The following TTC27 variants were observed in gnomAD, a reference collection of about 807,000 sequenced individuals.
The protein encoded by TTC27 is tetratricopeptide repeat domain 27.
Under a neutral mutation model 115.9 loss-of-function variants are expected in TTC27, and 79 were observed. That is an observed-to-expected ratio of 0.68 (90% CI 0.57 to 0.82). The LOEUF (loss-of-function observed/expected upper bound fraction) is 0.82. TTC27 is among the 40% of genes least tolerant of loss of function. The pLI is 0.00. For synonymous variants in TTC27, 401 were observed against 356.0 expected (o/e 1.13, Z -1.42); for missense variants, 1,054 against 993.1 (o/e 1.06, Z -0.82).
chr2:32,757,474 A>G (rs1219866024), intron 12 of TTC27, among the ~76,000 whole-genome samples: 1 of 151,964 alleles, frequency 6.6e-6, no homozygotes, highest in Non-Finnish European at 1.5e-5. Flanking sequence ...TTTTTATTAC[A>G]CTTCACTTTA....
chr2:32,680,435 C>A (rs1408224623), intron 9 of TTC27, among the ~76,000 whole-genome samples: 1 of 151,962 alleles, frequency 6.6e-6, no homozygotes, highest in Non-Finnish European at 1.5e-5. Flanking sequence ...AAGAGAGAAC[C>A]AGCTATTTCA....
rs757820448 is a variant in TTC27 at position 32,630,521 on chromosome 2, A to G, written c.89-2A>G. 1.2e-5 allele frequency: 19 copies of G among 1,598,364 alleles called. No homozygotes were observed. Among genetic ancestry groups the G allele is most frequent in the Non-Finnish European group, 1.6e-5 (19 of 1,173,942 alleles). ...TTACCGCACTAATTTTTTATATTAC[A>G]GAGAGTGGATCTTTCCTACAATTGC... is the stretch of plus-strand genomic sequence containing the variant. On this transcript the variant is annotated splice_acceptor_variant, in intron 1 of 19. Coordinates refer to ENST00000317907, the MANE Select transcript of TTC27 (RefSeq NM_017735.5). LOFTEE classifies it high-confidence loss of function.
chr2:32,698,392 G>C (rs116329103), intron 9 of TTC27, among the ~76,000 whole-genome samples: 1 of 150,474 alleles, frequency 6.6e-6, no homozygotes, highest in Non-Finnish European at 1.5e-5. Flanking sequence ...TCAGCCTCCC[G>C]AAGTGCTGGG....
chr2:32,664,958 T>C (rs1412167526), intron 6 of TTC27, among the ~76,000 whole-genome samples: 1 of 151,702 alleles, frequency 6.6e-6, no homozygotes, highest in East Asian at 1.9e-4. Context: ...TGAGCCTCCC[T>C]AGTAGCTAGG....
At chr2:32,754,673 C>T (rs1273507096) in intron 12 of TTC27, among the ~76,000 whole-genome samples, 6 of 151,380 alleles carry the variant, frequency 4.0e-5, no homozygotes, top group Non-Finnish European at 5.9e-5. Flanking sequence ...ACCTCCCAGA[C>T]GGGGTCGTGG....
At chr2:32,696,475 G>T (rs1280769989) in intron 9 of TTC27, among the ~76,000 whole-genome samples, 2 of 151,416 alleles carry the variant, frequency 1.3e-5, no homozygotes, top group Admixed American at 1.3e-4. Flanking sequence ...TGTGTTTTTA[G>T]TAGAGACTGG....
chr2:32,682,841 A>ATTTTTTTTTTTTTTTTT (rs1559204114), intron 9 of TTC27, among the ~76,000 whole-genome samples: 11 of 77,496 alleles, frequency 1.4e-4, no homozygotes, highest in African/African-American at 2.2e-4. Flanking sequence ...GATAATTTTT[A>ATTTTTTTTTTTTTTTTT]TTGTTGTTTT....
chr2:32,701,117 G>A (rs1288132109), intron 9 of TTC27, among the ~76,000 whole-genome samples: 1 of 152,216 alleles, frequency 6.6e-6, no homozygotes, highest in East Asian at 1.9e-4. Context: ...TTTTATGGGG[G>A]CAGGGATCCT....
intron 10 of TTC27, among the ~76,000 whole-genome samples, chr2:32,703,405 C>T (rs1411117573): frequency 6.6e-6 from 1 of 152,062 alleles, no homozygotes; most frequent in Admixed American, 6.5e-5. Context: ...AGGCAAAGGT[C>T]GCAGTGAGCC....
intron 10 of TTC27, among the ~76,000 whole-genome samples, chr2:32,710,395 A>C (rs535033908): frequency 6.6e-6 from 1 of 151,378 alleles, no homozygotes; most frequent in Non-Finnish European, 1.5e-5. Context: ...AAACTAAAAA[A>C]GTGAATCTTT....
intron 13 of TTC27, among the ~76,000 whole-genome samples, chr2:32,766,806 A>C (rs1360514158): frequency 3.3e-5 from 5 of 151,998 alleles, no homozygotes; most frequent in African/African-American, 1.2e-4. Flanking sequence ...TTATTTTTGC[A>C]ACAGGGTCTC....
chr2:32,672,321 A>G lies in TTC27; in HGVS notation c.989A>G (p.Asp330Gly), dbSNP rs773805774. Reference protein sequence around the residue: ...DTILNDIKLADCEQFQMPDLC... With the variant: ...DTILNDIKLAGCEQFQMPDLC... ...ATTCTGAATGACATAAAGTTAGCAG[A>G]TTGTGAACAGTTCCAGATGCCGGAT... Residue 330 changes from aspartate (D) to glycine (G), a missense_variant, in exon 8 of 20, where the codon GAT becomes GGT. Transcript: ENST00000317907. 6.2e-7 allele frequency: 1 copy of G among 1,614,010 alleles called. No individual in the cohort carries two copies. The highest frequency in any genetic ancestry group is 1.7e-5 in the Admixed American group (1 of 60,012).
intron 18 of TTC27, among the ~76,000 whole-genome samples, chr2:32,814,717 C>T (rs966721104): frequency 6.6e-6 from 1 of 152,158 alleles, no homozygotes; most frequent in African/African-American, 2.4e-5. Context: ...GTTCTGATTG[C>T]CTGCAGTGTT....
intron 2 of TTC27, among the ~76,000 whole-genome samples, chr2:32,631,046 G>C (rs1334444868): frequency 6.6e-6 from 1 of 152,046 alleles, no homozygotes; most frequent in Non-Finnish European, 1.5e-5. Context: ...CTTCACGCCT[G>C]TAGTCCCAGT....
chr2:32,778,591 C>A (rs1201023547), intron 14 of TTC27, among the ~76,000 whole-genome samples: 1 of 152,172 alleles, frequency 6.6e-6, no homozygotes, highest in African/African-American at 2.4e-5. Context: ...TAAATGGATT[C>A]ATACTTTTTG....
chr2:32,808,162 C>T (rs551873494), intron 16 of TTC27, among the ~76,000 whole-genome samples: 3 of 151,826 alleles, frequency 2.0e-5, no homozygotes, highest in Non-Finnish European at 4.4e-5. Context: ...CTTGAATTCC[C>T]GACCTCATGT....
chr2:32,661,348 A>G (rs955487193), intron 5 of TTC27, among the ~76,000 whole-genome samples: 2 of 152,106 alleles, frequency 1.3e-5, no homozygotes, highest in African/African-American at 4.8e-5. Context: ...GAATCTATAA[A>G]TTACTTTGGG....
At chr2:32,761,486 C>G (rs1669434749) in intron 13 of TTC27, among the ~76,000 whole-genome samples, 1 of 152,134 alleles carries the variant, frequency 6.6e-6, no homozygotes, top group African/African-American at 2.4e-5. Context: ...CTCTTAATGG[C>G]TCTCAAGACT....
chr2:32,684,331 A>C (rs1209023910), intron 9 of TTC27, among the ~76,000 whole-genome samples: 2 of 151,854 alleles, frequency 1.3e-5, no homozygotes, highest in Non-Finnish European at 2.9e-5. Context: ...TCATTGTTGG[A>C]CATTTGGGTT....
Sources: allele counts gnomAD v4.1 joint callset (sites outside exome capture counted in the v4.1 genomes callset), GRCh38; gene constraint gnomAD v4.1.1; transcripts MANE v1.5; gene names NCBI Gene and HGNC (gene_info 2026-07-23, HGNC 2026-07-21).